The following LRRC37A2 variants were observed in gnomAD, a reference collection of about 807,000 sequenced individuals.
LRRC37A2 encodes the protein leucine rich repeat containing 37 member A2.
In LRRC37A2, 9 loss-of-function variants were observed where a neutral mutation model predicts 68.8. The ratio of observed to expected loss-of-function variants is 0.13; its 90% CI spans 0.08 to 0.23. The LOEUF is 0.23. Ranked by LOEUF, LRRC37A2 falls within the 10% of genes least tolerant of loss-of-function variation. The probability of loss-of-function intolerance (pLI) is 1.00; values close to 1 mark genes in which losing one functional copy is unlikely to be tolerated. For missense variants in LRRC37A2, 168 were observed against 950.4 expected (o/e 0.18, Z 10.82); for synonymous variants, 63 against 367.6 (o/e 0.17, Z 9.48).
At chr17:46,769,678 C>A in the LRRC37A2 span, 1 of 1,492,492 alleles carries the variant, frequency 6.7e-7, no homozygotes, top group Non-Finnish European at 9.1e-7. Context: ...AAGGAGCCCG[C>A]GACCCACAGG....
At chr17:46,560,620 G>A (rs1438233700), downstream of LRRC37A2, 59 of 44,172 alleles carry the variant, frequency 1.3e-3, 1 homozygote, top group African/African-American at 6.3e-3. Context: ...ATCAAGGCTC[G>A]AGTGCAGTGG....
At chr17:46,941,421 T>A in the LRRC37A2 span, 5 of 984,326 alleles carry the variant, frequency 5.1e-6, no homozygotes, top group South Asian at 1.4e-4. Context: ...CCCCTTTTTT[T>A]ATGTTTCTAG....
At chr17:46,780,516 C>T in the LRRC37A2 span, among the ~76,000 whole-genome samples, 12 of 152,218 alleles carry the variant, frequency 7.9e-5, no homozygotes, top group Admixed American at 5.9e-4. Context: ...TGCCCAGGTG[C>T]GGTGGCTCAC....
At chr17:46,905,446 C>G in the LRRC37A2 span, among the ~76,000 whole-genome samples, 2 of 152,162 alleles carry the variant, frequency 1.3e-5, no homozygotes, top group Non-Finnish European at 2.9e-5. Context: ...TTGGAATAAC[C>G]CACTTCCAGC....
At chr17:46,759,112 G>A in the LRRC37A2 span, among the ~76,000 whole-genome samples, 1 of 152,168 alleles carries the variant, frequency 6.6e-6, no homozygotes, top group Non-Finnish European at 1.5e-5. Context: ...GATGAGGCAG[G>A]AGAATTGCTT....
the LRRC37A2 span, among the ~76,000 whole-genome samples, chr17:46,800,974 C>T: frequency 1.3e-5 from 2 of 152,122 alleles, no homozygotes; most frequent in Non-Finnish European, 2.9e-5. Flanking sequence ...GAGGTGTGCA[C>T]GAGAACAACG....
chr17:46,768,928 C>T, the LRRC37A2 span: 1 of 1,374,204 alleles, frequency 7.3e-7, no homozygotes, highest in East Asian at 2.4e-5. This position sits in a 1 kb window ranked among gnomAD's most constrained non-coding sequence, Gnocchi z 5.0. Flanking sequence ...AGGAAGAGAA[C>T]TGATGGGGAC....
chr17:46,810,004 C>CTTTTTT, the LRRC37A2 span, among the ~76,000 whole-genome samples: 16 of 126,382 alleles, frequency 1.3e-4, no homozygotes, highest in African/African-American at 1.8e-4. Context: ...TTCTTTCTTT[C>CTTTTTT]TTTTTTTTTT....
At chr17:46,745,828 C>A in the LRRC37A2 span, among the ~76,000 whole-genome samples, 1 of 152,196 alleles carries the variant, frequency 6.6e-6, no homozygotes, top group African/African-American at 2.4e-5. Flanking sequence ...AATATAACAG[C>A]ACCACTTTTT....
the LRRC37A2 span, chr17:46,998,848 T>C: frequency 1.3e-5 from 2 of 152,270 alleles, no homozygotes; most frequent in African/African-American, 4.8e-5. Context: ...TGTCACTGAA[T>C]TGCTGCCTCA....
the LRRC37A2 span, among the ~76,000 whole-genome samples, chr17:46,863,622 C>T: frequency 6.6e-6 from 1 of 152,080 alleles, no homozygotes; most frequent in Admixed American, 6.6e-5. Context: ...TCTGGGACCT[C>T]GGGGTGATCA....
chr17:46,530,475 GC>G (rs1474607224), intron 6 of LRRC37A2, among the ~76,000 whole-genome samples: 1 of 134,670 alleles, frequency 7.4e-6, no homozygotes, highest in Admixed American at 7.8e-5. Context: ...GGATCACAAG[GC>G]AGGACAAGCT....
the LRRC37A2 span, among the ~76,000 whole-genome samples, chr17:46,898,829 G>A: frequency 1.7e-3 from 261 of 152,278 alleles, 1 homozygote; most frequent in Middle Eastern, 3.4e-3. Flanking sequence ...GTAAATTGGT[G>A]TAACTTCTCT....
the LRRC37A2 span, among the ~76,000 whole-genome samples, chr17:46,850,715 G>T: frequency 6.6e-6 from 1 of 152,190 alleles, no homozygotes; most frequent in African/African-American, 2.4e-5. Context: ...CACCTTCGCA[G>T]CAGAAATTGG....
At chr17:46,961,984 A>C in the LRRC37A2 span, among the ~76,000 whole-genome samples, 1 of 152,256 alleles carries the variant, frequency 6.6e-6, no homozygotes, top group South Asian at 2.1e-4. Context: ...AAATCCAAAA[A>C]CATGATATTT....
At chr17:46,978,489 G>T in the LRRC37A2 span, 1 of 828,538 alleles carries the variant, frequency 1.2e-6, no homozygotes, top group Middle Eastern at 3.6e-4. Flanking sequence ...CCCTTCCCGC[G>T]CCCCCGCCGA....
At chr17:47,003,000 C>T in the LRRC37A2 span, among the ~76,000 whole-genome samples, 35 of 152,156 alleles carry the variant, frequency 2.3e-4, no homozygotes, top group East Asian at 6.8e-3. Flanking sequence ...AACTGTAATC[C>T]TAGCACCAAG....
the LRRC37A2 span, among the ~76,000 whole-genome samples, chr17:46,786,347 A>C: frequency 1.3e-5 from 2 of 152,188 alleles, no homozygotes; most frequent in East Asian, 3.9e-4. Flanking sequence ...CCCAGGACCA[A>C]ACACAGTCCC....
the LRRC37A2 span, among the ~76,000 whole-genome samples, chr17:46,997,576 T>C: frequency 9.2e-5 from 14 of 152,174 alleles, no homozygotes; most frequent in South Asian, 2.1e-4. Context: ...ATAGGAAATA[T>C]AGAAGACAGA....
Sources: gnomAD v4.1 joint callset for allele counts (sites outside exome capture counted in the v4.1 genomes callset) on GRCh38, gnomAD v4.1.1 for gene constraint, Gnocchi (gnomAD v3.1) non-coding constraint, MANE v1.5 for transcripts, NCBI Gene and HGNC (gene_info 2026-07-23, HGNC 2026-07-21) for gene names.